The following CABLES1 variants were observed in gnomAD, a reference collection of about 807,000 sequenced individuals.
The protein encoded by CABLES1 is Cdk5 and Abl enzyme substrate 1, also known as CDK5 and ABL1 enzyme substrate 1.
In CABLES1, 36 loss-of-function variants were observed where a neutral mutation model predicts 57.8. The observed-to-expected ratio is 0.62, with a 90% CI of 0.48 to 0.82. CABLES1 has a LOEUF of 0.82. Ranked by LOEUF, CABLES1 falls within the 40% of genes least tolerant of loss-of-function variation. The pLI is 0.00. For synonymous variants in CABLES1, 374 were observed against 363.0 expected, an observed-to-expected ratio of 1.03 and a Z score of -0.35; for missense variants, 767 against 836.6, an observed-to-expected ratio of 0.92 and a Z score of 1.03.
chr18:23,176,858 C>T (rs948732824), intron 1 of CABLES1, among the ~76,000 whole-genome samples: 1 of 152,118 alleles, frequency 6.6e-6, no homozygotes, highest in African/African-American at 2.4e-5. Flanking sequence ...ATGCTGGACA[C>T]CAAGGGGGAG....
At chr18:23,254,872 T>TG (rs1422475782) in intron 9 of CABLES1, among the ~76,000 whole-genome samples, 1 of 152,076 alleles carries the variant, frequency 6.6e-6, no homozygotes, top group African/African-American at 2.4e-5. Flanking sequence ...CATACGAATT[T>TG]GGGGGGACAC....
chr18:23,223,031 C>T lies in CABLES1; in HGVS notation c.1088+8977C>T, dbSNP rs376618272. 4.6e-5 allele frequency among the ~76,000 whole-genome samples: 7 copies of T among 152,310 alleles called. No individual in the cohort carries two copies. In the South Asian group the frequency reaches 8.3e-4, roughly 18 times the overall value. The stretch of plus-strand genomic sequence containing the variant: ...CACGAGTGCTCTGCACCTACAGAGC[C>T]GCTTACAAATACTTGCACCCTGAAT... On this transcript the variant is annotated intron_variant, in intron 4 of 9. Coordinates refer to ENST00000256925, the MANE Select transcript of CABLES1 (RefSeq NM_001100619.3).
chr18:23,156,015 CT>C, intron 1 of CABLES1: 6 of 1,568,686 alleles, frequency 3.8e-6, no homozygotes, highest in Non-Finnish European at 5.3e-6. Context: ...TGGCTCCCCC[CT>C]TTGGATGCTG....
chr18:23,192,250 A>G (rs2047249519), intron 2 of CABLES1, among the ~76,000 whole-genome samples: 2 of 152,230 alleles, frequency 1.3e-5, no homozygotes, highest in Non-Finnish European at 2.9e-5. Flanking sequence ...ATTTGTTTGC[A>G]GCAAACGTGG....
At chr18:23,237,904 C>G (rs770067136) in intron 7 of CABLES1, among the ~76,000 whole-genome samples, 1 of 152,202 alleles carries the variant, frequency 6.6e-6, no homozygotes, top group Non-Finnish European at 1.5e-5. Flanking sequence ...CTGACTCTTG[C>G]GGCAAGCAGA....
chr18:23,143,907 C>T (rs1159001692), intron 1 of CABLES1, among the ~76,000 whole-genome samples: 4 of 152,206 alleles, frequency 2.6e-5, no homozygotes, highest in Non-Finnish European at 4.4e-5. Context: ...GTATTTCAGG[C>T]GAGGCAGCTG....
intron 1 of CABLES1, among the ~76,000 whole-genome samples, chr18:23,180,027 T>C (rs1274225460): frequency 6.6e-6 from 1 of 152,208 alleles, no homozygotes; most frequent in Non-Finnish European, 1.5e-5. Flanking sequence ...CAGGCCATTC[T>C]CCTGCCTCAG....
chr18:23,205,181 C>CTTTTTTTT (rs34690271), intron 3 of CABLES1, among the ~76,000 whole-genome samples: 1 of 81,188 alleles, frequency 1.2e-5, no homozygotes, highest in Non-Finnish European at 2.2e-5. Flanking sequence ...TCATTCCTGA[C>CTTTTTTTT]TTTTTTTTTT....
chr18:23,147,818 C>T (rs2046901019), intron 1 of CABLES1, among the ~76,000 whole-genome samples: 1 of 152,108 alleles, frequency 6.6e-6, no homozygotes, highest in South Asian at 2.1e-4. Context: ...ACACCCAGGC[C>T]CAGGAAGACG....
chr18:23,247,076 A>T (rs905703029), intron 7 of CABLES1, among the ~76,000 whole-genome samples: 3 of 152,246 alleles, frequency 2.0e-5, no homozygotes, highest in African/African-American at 7.2e-5. Flanking sequence ...CACCAGAAAG[A>T]ATGAGTGGCT....
intron 4 of CABLES1, among the ~76,000 whole-genome samples, chr18:23,230,982 C>T (rs1397772966): frequency 2.0e-5 from 3 of 152,124 alleles, no homozygotes; most frequent in Non-Finnish European, 2.9e-5. Context: ...TCTTGGGGTG[C>T]TGATGGTGCA....
At chr18:23,209,136 A>G (rs936360252) in intron 3 of CABLES1, among the ~76,000 whole-genome samples, 3 of 152,204 alleles carry the variant, frequency 2.0e-5, no homozygotes, top group Non-Finnish European at 4.4e-5. Context: ...ATTGCATGCC[A>G]TTCTGAGTAG....
Position 23,215,814 on chromosome 18 carries a change from T to C in CABLES1, c.1088+1760T>C, listed in dbSNP as rs535198558. ...TGTCACTCAGGCTGGAGTGCAGTGGTGCGATCTCGGCTCACTGCAAGCTCC... is the reference window on the plus strand; with the variant it reads ...TGTCACTCAGGCTGGAGTGCAGTGGCGCGATCTCGGCTCACTGCAAGCTCC... On this transcript the variant is annotated intron_variant, in intron 4 of 9. Coordinates refer to ENST00000256925, the MANE Select transcript of CABLES1 (RefSeq NM_001100619.3). 5.4e-4 allele frequency among the ~76,000 whole-genome samples: 82 copies of C among 151,760 alleles called. 1 individual carries two copies. The highest frequency in any genetic ancestry group is 9.9e-4 in the Non-Finnish European group (67 of 67,872).
At chr18:23,237,087 T>G in intron 6 of CABLES1, 55 bp from the exon 7 acceptor site, 2 of 1,035,612 alleles carry the variant, frequency 1.9e-6, no homozygotes, top group Non-Finnish European at 3.1e-6. Flanking sequence ...CTGTCTCTGC[T>G]GGGGAGGGTC....
At chr18:23,145,071 G>C (rs1482941329) in intron 1 of CABLES1, among the ~76,000 whole-genome samples, 2 of 151,998 alleles carry the variant, frequency 1.3e-5, no homozygotes, top group Non-Finnish European at 2.9e-5. Context: ...AAGTAGCTGG[G>C]ATTACAGGTG....
chr18:23,200,590 A>G (rs2047318586), intron 3 of CABLES1, among the ~76,000 whole-genome samples: 1 of 152,286 alleles, frequency 6.6e-6, no homozygotes, highest in South Asian at 2.1e-4. Flanking sequence ...ATAATCATAG[A>G]CTGGCAAGCC....
At chr18:23,196,724 C>T (rs914594513) in intron 3 of CABLES1, 1 of 152,238 alleles carries the variant, frequency 6.6e-6, no homozygotes, top group Non-Finnish European at 1.5e-5. Context: ...GCTTAGGGGT[C>T]TCCGATCCCC....
At chr18:23,144,787 G>T (rs374365973) in intron 1 of CABLES1, among the ~76,000 whole-genome samples, 1 of 152,184 alleles carries the variant, frequency 6.6e-6, no homozygotes, top group African/African-American at 2.4e-5. Flanking sequence ...AGGAATCTGA[G>T]GTGGTTGCTG....
At chr18:23,137,092 GTCT>G (rs1015607050) in intron 1 of CABLES1, among the ~76,000 whole-genome samples, 7 of 152,236 alleles carry the variant, frequency 4.6e-5, no homozygotes, top group Admixed American at 3.9e-4. Context: ...TGCGCTCCAA[GTCT>G]TCTTGCGGCC....
Sources: allele counts gnomAD v4.1 joint callset (sites outside exome capture counted in the v4.1 genomes callset), GRCh38; gene constraint gnomAD v4.1.1; transcripts MANE v1.5; gene names NCBI Gene and HGNC (gene_info 2026-07-23, HGNC 2026-07-21).